The following GABARAPL1 variants were observed in gnomAD, a reference collection of about 807,000 sequenced individuals.
The protein encoded by GABARAPL1 is gamma-aminobutyric acid receptor-associated protein-like 1.
In GABARAPL1, 4 loss-of-function variants were observed where a neutral mutation model predicts 14.5. The observed-to-expected ratio is 0.28, with a 90% CI of 0.14 to 0.63. The LOEUF is 0.63. Ranked by LOEUF, GABARAPL1 falls within the 30% of genes least tolerant of loss-of-function variation. The pLI is 0.84. For synonymous variants in GABARAPL1, 47 were observed against 50.6 expected (o/e 0.93, Z 0.30); for missense variants, 82 against 139.2 (o/e 0.59, Z 2.07).
rs1329082953 is a variant in GABARAPL1, at chr12:10,213,271, G to T, written c.90+52G>T. ...GGAGGGGAAGGGCCCGCGGGGGCGGGGGCGGGTAGTCGAGATGGCTTCCCT... is the reference window on the plus strand; with the variant it reads ...GGAGGGGAAGGGCCCGCGGGGGCGGTGGCGGGTAGTCGAGATGGCTTCCCT... On this transcript the variant is annotated intron_variant, in intron 1 of 3. Transcript: ENST00000266458. 4.3e-6 allele frequency: 5 copies of T among 1,160,512 alleles called. No homozygotes were observed. The Admixed American group carries it at 7.9e-5, about 18-fold the overall frequency. The allele number at this position is 1,160,512 out of a possible 1,614,324, so 71.9% of individuals were successfully genotyped here.
intron 1 of GABARAPL1, chr12:10,214,041 C>T: frequency 3.0e-6 from 1 of 338,820 alleles, no homozygotes; most frequent in South Asian, 2.1e-5. Flanking sequence ...TACCCCCTCC[C>T]CCGCCCACTT....
chr12:10,217,792 T>C (rs1949098666), intron 1 of GABARAPL1, among the ~76,000 whole-genome samples: 1 of 152,210 alleles, frequency 6.6e-6, no homozygotes. Flanking sequence ...ATCTTACAGG[T>C]AACCTGTAAT....
chr12:10,215,883 GT>G, intron 1 of GABARAPL1, among the ~76,000 whole-genome samples: 1 of 93,988 alleles, frequency 1.1e-5, no homozygotes, highest in Non-Finnish European at 2.4e-5. Context: ...GTTTTGTTTT[GT>G]TTTTGTTTTT....
chr12:10,215,386 A>T (rs983111326), intron 1 of GABARAPL1, among the ~76,000 whole-genome samples: 1 of 152,214 alleles, frequency 6.6e-6, no homozygotes, highest in Non-Finnish European at 1.5e-5. Flanking sequence ...CTTCAAAGAT[A>T]CAACATATCA....
intron 1 of GABARAPL1, chr12:10,213,989 A>C: frequency 2.4e-6 from 1 of 415,222 alleles, no homozygotes; most frequent in South Asian, 1.7e-5. Flanking sequence ...GTAGGAACAG[A>C]AAAGTATTAG....
intron 2 of GABARAPL1, 112 bp downstream of exon 2, chr12:10,218,253 G>C: frequency 1.3e-6 from 1 of 759,032 alleles, no homozygotes; most frequent in South Asian, 1.4e-5. Context: ...AAGGAAGTGA[G>C]TGGGATGCTC....
intron 1 of GABARAPL1, 147 bp downstream of exon 1, chr12:10,213,366 A>T (rs1039941273): frequency 2.7e-5 from 19 of 704,840 alleles, no homozygotes; most frequent in South Asian, 6.0e-5. Context: ...CTTCAGTGCC[A>T]GAGCCAATGG....
At chr12:10,215,897 TG>T (rs1949085616) in intron 1 of GABARAPL1, among the ~76,000 whole-genome samples, 2 of 50,904 alleles carry the variant, frequency 3.9e-5, no homozygotes. Flanking sequence ...TTGTTTTTGT[TG>T]TTTTTTTTTT....
chr12:10,218,164 A>T, intron 2 of GABARAPL1, 23 bp downstream of exon 2: 2 of 1,437,766 alleles, frequency 1.4e-6, no homozygotes, highest in Non-Finnish European at 2.0e-6. Context: ...GCCTTCCCTG[A>T]CCCTTCCTCC....
intron 2 of GABARAPL1, 32 bp from the exon 3 acceptor site, chr12:10,220,408 C>A: frequency 6.2e-7 from 1 of 1,611,062 alleles, no homozygotes; most frequent in Non-Finnish European, 8.5e-7. Flanking sequence ...TTCTTACTTT[C>A]TTTTCTGCCC....
Position 10,218,047 on chromosome 12 carries a change from C to A in GABARAPL1, c.91-16C>A. ...CTTCTGTAGTTTTCATTCCTACTCT[C>A]CTCCTCTTCTTCCAGGTGATTGTAG... On this transcript the variant is annotated splice_polypyrimidine_tract_variant and intron_variant, in intron 1 of 3. Transcript: ENST00000266458. 2.0e-6 allele frequency: 3 copies of A among 1,518,118 alleles called. No homozygotes were observed. Among genetic ancestry groups the A allele is most frequent in the South Asian group, 1.1e-5 (1 of 89,006 alleles). 94.0% of individuals were successfully genotyped at this position (1,518,118 alleles called of 1,614,324 possible).
intron 1 of GABARAPL1, among the ~76,000 whole-genome samples, chr12:10,216,458 A>G (rs1592004304): frequency 6.8e-6 from 1 of 147,892 alleles, no homozygotes; most frequent in Non-Finnish European, 1.5e-5. Flanking sequence ...GTACTCATAC[A>G]GTTTTTTTTT....
At position 10,222,378 on chromosome 12, in the gene GABARAPL1, C is replaced by T. The variant is rs1283185222; in HGVS notation, c.*526C>T. 1 of 157,302 alleles carries T rather than the reference C, an allele frequency of 6.4e-6. No homozygotes were observed. Among genetic ancestry groups the T allele is most frequent in the Non-Finnish European group, 1.4e-5 (1 of 70,750 alleles). The allele number at this position is 157,302 out of a possible 1,614,324, so 9.7% of individuals were successfully genotyped here. A position where few individuals can be genotyped will look rare whatever the true frequency, so the allele number is the denominator to read the frequency against. On this transcript the variant is annotated 3_prime_UTR_variant, in exon 4 of 4. Coordinates refer to ENST00000266458, the MANE Select transcript of GABARAPL1 (RefSeq NM_031412.4). Reference sequence around the variant, plus strand: ...TCCCTGTCTCACACTTCTTTTCTCCCATCCCGGTTGCAATCTCACTCAGAC... The same window carrying T: ...TCCCTGTCTCACACTTCTTTTCTCCTATCCCGGTTGCAATCTCACTCAGAC...
In GABARAPL1 at chr12:10,212,973, AC is replaced by A. The variant is rs754494590; in HGVS notation, c.-150del. On this transcript the variant is annotated 5_prime_UTR_variant, in exon 1 of 4. Transcript: ENST00000266458. ...GGCTCACCCGAGATCCCCGCCCCGA[AC>A]CCCCCCTGCACACTCGGCCCAGCGC... is the stretch of plus-strand genomic sequence containing the variant. 5.0e-3 allele frequency: 2,836 copies of A among 572,796 alleles called. 69 individuals carry two copies. Among genetic ancestry groups the A allele is most frequent in the Non-Finnish European group, 5.2e-3 (1,632 of 311,558 alleles). 35.5% of individuals were successfully genotyped at this position (572,796 alleles called of 1,614,324 possible).
At chr12:10,217,998 G>C in intron 1 of GABARAPL1, 65 bp from the exon 2 acceptor site, 1 of 963,350 alleles carries the variant, frequency 1.0e-6, no homozygotes, top group Non-Finnish European at 1.7e-6. Context: ...ACTCTAGGGT[G>C]TAGAAGGAAA....
At chr12:10,216,204 T>C (rs1949087339) in intron 1 of GABARAPL1, among the ~76,000 whole-genome samples, 1 of 151,864 alleles carries the variant, frequency 6.6e-6, no homozygotes, top group African/African-American at 2.4e-5. Flanking sequence ...ACCCCATCTC[T>C]ACTAAAAAAT....
chr12:10,221,420 C>A, intron 3 of GABARAPL1: 1 of 954,232 alleles, frequency 1.0e-6, no homozygotes, highest in African/African-American at 1.8e-5. Context: ...ATTACGTAAA[C>A]TTCTAATAAT....
In GABARAPL1 at chr12:10,221,904, G is replaced by C; in HGVS notation, c.*52G>C. 6.4e-7 allele frequency: 1 copy of C among 1,557,060 alleles called. No homozygotes were observed. The highest frequency in any genetic ancestry group is 8.9e-7 in the Non-Finnish European group (1 of 1,129,326). Reference sequence around the variant, plus strand: ...CACCTGGACTTGGGGGTAGGGGAGGGGTGTGTGTGCGCGACATGGGGAAAG... The same window carrying C: ...CACCTGGACTTGGGGGTAGGGGAGGCGTGTGTGTGCGCGACATGGGGAAAG... On this transcript the variant is annotated 3_prime_UTR_variant, in exon 4 of 4. Transcript: ENST00000266458.
At position 10,218,078 on chromosome 12, in the gene GABARAPL1, G is replaced by T. The variant is rs368217880; in HGVS notation, c.106G>T (p.Ala36Ser). Residue 36 changes from alanine to serine, a missense_variant, in exon 2 of 4, where the codon GCT (alanine) becomes TCT (serine). Ala to Ser is a moderately conservative substitution (Grantham distance 99, BLOSUM62 1). Coordinates refer to ENST00000266458, the MANE Select transcript of GABARAPL1 (RefSeq NM_031412.4). ...CTTCTTCCAGGTGATTGTAGAGAAG[G>T]CTCCAAAAGCCAGGGTGCCTGATCT... ...PDRVPVIVEK[A>S]PKARVPDLDK... 2.5e-6 allele frequency: 4 copies of T among 1,603,352 alleles called. No homozygotes were observed. Among genetic ancestry groups the T allele is most frequent in the Non-Finnish European group, 3.4e-6 (4 of 1,170,200 alleles).
Sources: allele counts gnomAD v4.1 joint callset (sites outside exome capture counted in the v4.1 genomes callset), GRCh38; gene constraint gnomAD v4.1.1; transcripts MANE v1.5; gene names NCBI Gene and HGNC (gene_info 2026-07-23, HGNC 2026-07-21).